The following PIWIL4 variants were observed in gnomAD, a reference collection of about 807,000 sequenced individuals.
PIWIL4 encodes piwi-like protein 4.
Under a neutral mutation model 100.9 loss-of-function variants are expected in PIWIL4, and 50 were observed. The ratio of observed to expected loss-of-function variants is 0.50; its 90% CI spans 0.39 to 0.63. The LOEUF (loss-of-function observed/expected upper bound fraction) is 0.63, where lower values mean the gene tolerates loss of function less well. PIWIL4 is among the 20% of genes least tolerant of loss of function. The pLI is 0.00. For synonymous variants in PIWIL4, 342 were observed against 367.5 expected (o/e 0.93, Z 0.79); for missense variants, 887 against 1,043.3 (o/e 0.85, Z 2.06).
rs372240769 is a variant in PIWIL4, at chr11:94,577,451, G to A, written c.472G>A (p.Asp158Asn). ...SELSNKAKAFDGAILFLSQKL... is the reference protein window; with the variant it reads ...SELSNKAKAFNGAILFLSQKL... ...ACTTTCCAACAAAGCAAAAGCATTC[G>A]ACGGTGCCATCCTTTTTCTGTCACA... The change falls in exon 4 of 20, where the codon GAC becomes AAC. Residue 158 changes from aspartate (D) to asparagine (N), a missense_variant. Coordinates refer to ENST00000299001, the MANE Select transcript of PIWIL4 (RefSeq NM_152431.3). 3.2e-5 allele frequency: 51 copies of A among 1,613,798 alleles called. No individual in the cohort carries two copies. The highest frequency in any genetic ancestry group is 2.1e-4 in the African/African-American group (16 of 75,012).
chr11:94,587,481 CT>C (rs1441958292), intron 7 of PIWIL4, among the ~76,000 whole-genome samples: 1 of 152,166 alleles, frequency 6.6e-6, no homozygotes, highest in Non-Finnish European at 1.5e-5. Context: ...CCTAATGCCA[CT>C]CTCTATTCTA....
intron 6 of PIWIL4, among the ~76,000 whole-genome samples, chr11:94,585,904 T>C (rs1948392945): frequency 6.6e-6 from 1 of 152,116 alleles, no homozygotes; most frequent in African/African-American, 2.4e-5. Flanking sequence ...GCCAACCAAA[T>C]AACTCTGGTG....
At chr11:94,589,538 G>A (rs933921044) in intron 8 of PIWIL4, among the ~76,000 whole-genome samples, 9 of 152,118 alleles carry the variant, frequency 5.9e-5, no homozygotes, top group African/African-American at 1.7e-4. Context: ...CTTTAGCAGA[G>A]TTTCCAAATC....
intron 15 of PIWIL4, among the ~76,000 whole-genome samples, chr11:94,614,779 CT>C (rs1172423389): frequency 6.6e-6 from 1 of 152,186 alleles, no homozygotes; most frequent in East Asian, 1.9e-4. Flanking sequence ...CATGTGCCCA[CT>C]CCACACTTCT....
chr11:94,575,662 A>G (rs1479484459), intron 3 of PIWIL4, among the ~76,000 whole-genome samples: 1 of 152,210 alleles, frequency 6.6e-6, no homozygotes, highest in Non-Finnish European at 1.5e-5. Context: ...TAAGAAATAT[A>G]TTATTATCCA....
intron 11 of PIWIL4, among the ~76,000 whole-genome samples, chr11:94,600,620 A>G (rs1338182344): frequency 1.3e-5 from 2 of 152,194 alleles, no homozygotes; most frequent in Non-Finnish European, 2.9e-5. Flanking sequence ...CACTGATAAC[A>G]TCTTATCAGG....
chr11:94,578,403 G>A (rs893534360), intron 4 of PIWIL4, among the ~76,000 whole-genome samples: 2 of 152,128 alleles, frequency 1.3e-5, no homozygotes, highest in Non-Finnish European at 2.9e-5. Context: ...AGATGTCTGT[G>A]GTGTTGGCTA....
rs77273862 is a variant in PIWIL4 at position 94,570,027 on chromosome 11, G to A, written c.166+1219G>A. 7.6e-4 allele frequency among the ~76,000 whole-genome samples: 116 copies of A among 152,230 alleles called. No homozygotes were observed. In the East Asian group the frequency reaches 0.021, roughly 28 times the overall value. The stretch of plus-strand genomic sequence containing the variant: ...TGCCAATGCCATTGCTTGGAAGGAT[G>A]GTAGAAACCTGGTATCTACCAGTGC... On this transcript the variant is annotated intron_variant, in intron 2 of 19. Coordinates refer to ENST00000299001, the MANE Select transcript of PIWIL4 (RefSeq NM_152431.3).
At chr11:94,603,772 A>AT (rs1490427324) in intron 12 of PIWIL4, among the ~76,000 whole-genome samples, 4 of 152,126 alleles carry the variant, frequency 2.6e-5, no homozygotes, top group Non-Finnish European at 5.9e-5. Context: ...CTACCAAACC[A>AT]TTTTTTACAC....
intron 7 of PIWIL4, 146 bp from the exon 8 acceptor site, chr11:94,588,975 T>C (rs557149869): frequency 1.7e-6 from 1 of 605,750 alleles, no homozygotes; most frequent in Non-Finnish European, 2.8e-6. Context: ...CTGAGTATTT[T>C]TTAAAAAGTG....
At chr11:94,589,034 T>C (rs1306352149) in intron 7 of PIWIL4, 87 bp from the exon 8 acceptor site, 2 of 858,956 alleles carry the variant, frequency 2.3e-6, no homozygotes, top group Non-Finnish European at 3.7e-6. Flanking sequence ...CTGGAGTCTA[T>C]CTTATGTGTT....
intron 15 of PIWIL4, among the ~76,000 whole-genome samples, chr11:94,612,505 C>T (rs563737188): frequency 6.6e-6 from 1 of 152,204 alleles, no homozygotes; most frequent in Non-Finnish European, 1.5e-5. Flanking sequence ...TTTAGCTACA[C>T]TGTGTCATTT....
chr11:94,593,949 T>A (rs903187016), intron 9 of PIWIL4, among the ~76,000 whole-genome samples: 19 of 152,174 alleles, frequency 1.2e-4, no homozygotes, highest in African/African-American at 4.6e-4. Context: ...TTTCTTCAGG[T>A]GTATCAGTAG....
chr11:94,612,943 A>G (rs951977667), intron 15 of PIWIL4, among the ~76,000 whole-genome samples: 5 of 152,156 alleles, frequency 3.3e-5, no homozygotes, highest in African/African-American at 7.2e-5. Flanking sequence ...ATGTAGCTAT[A>G]TTTTAAAATA....
intron 15 of PIWIL4, among the ~76,000 whole-genome samples, chr11:94,610,011 G>A (rs971501916): frequency 6.6e-6 from 1 of 152,014 alleles, no homozygotes; most frequent in Admixed American, 6.6e-5. Context: ...CTGAAAGTTT[G>A]TACCCTTCAA....
chr11:94,576,499 C>T (rs1565270075), intron 3 of PIWIL4, among the ~76,000 whole-genome samples: 1 of 152,152 alleles, frequency 6.6e-6, no homozygotes, highest in Non-Finnish European at 1.5e-5. Context: ...TGAGAAGAAC[C>T]TCCTTTGTAC....
chr11:94,602,421 A>G (rs994105487), intron 12 of PIWIL4, among the ~76,000 whole-genome samples: 21 of 152,198 alleles, frequency 1.4e-4, no homozygotes, highest in Non-Finnish European at 2.5e-4. Flanking sequence ...GATCTCAAAT[A>G]AGCTTTTCTG....
chr11:94,617,503 T>C (rs2135306819), intron 16 of PIWIL4, among the ~76,000 whole-genome samples: 1 of 152,128 alleles, frequency 6.6e-6, no homozygotes, highest in East Asian at 1.9e-4. Context: ...TGAGTCAGTG[T>C]GAAGATATGT....
intron 3 of PIWIL4, 38 bp downstream of exon 3, chr11:94,575,168 C>G (rs1231918932): frequency 1.9e-6 from 3 of 1,600,716 alleles, no homozygotes; most frequent in Non-Finnish European, 2.6e-6. Context: ...TTAATGTTAC[C>G]AAATCTTGCT....
Sources: allele counts gnomAD v4.1 joint callset (sites outside exome capture counted in the v4.1 genomes callset), GRCh38; gene constraint gnomAD v4.1.1; transcripts MANE v1.5; gene names NCBI Gene and HGNC (gene_info 2026-07-23, HGNC 2026-07-21).